PPP1R1C: variants seen among roughly 807,000 people sequenced by gnomAD.
PPP1R1C encodes protein phosphatase 1 regulatory subunit 1C.
In PPP1R1C, 15 loss-of-function variants were observed where a neutral mutation model predicts 17.4. The ratio of observed to expected loss-of-function variants is 0.86; its 90% CI spans 0.58 to 1.33. The LOEUF (loss-of-function observed/expected upper bound fraction) is 1.33. PPP1R1C is among the 40% of genes most tolerant of loss of function. The probability of loss-of-function intolerance (pLI) is 0.00; values close to 1 mark genes in which losing one functional copy is unlikely to be tolerated. For synonymous variants in PPP1R1C, 35 were observed against 43.1 expected, an observed-to-expected ratio of 0.81 and a Z score of 0.73; for missense variants, 143 against 130.0, an observed-to-expected ratio of 1.10 and a Z score of -0.48.
At chr2:182,031,167 T>C (rs529399442) in intron 2 of PPP1R1C, among the ~76,000 whole-genome samples, 4 of 152,350 alleles carry the variant, frequency 2.6e-5, no homozygotes, top group South Asian at 2.1e-4. Flanking sequence ...AGAAATCACC[T>C]GTCTTCTGCA....
At chr2:182,057,327 G>A (rs551204522) in intron 2 of PPP1R1C, among the ~76,000 whole-genome samples, 5 of 152,254 alleles carry the variant, frequency 3.3e-5, no homozygotes, top group African/African-American at 1.2e-4. Flanking sequence ...GTGTTGGTTG[G>A]GGAAGAGATG....
At chr2:181,991,791 G>A (rs1459451928) in intron 2 of PPP1R1C, among the ~76,000 whole-genome samples, 1 of 152,116 alleles carries the variant, frequency 6.6e-6, no homozygotes, top group Non-Finnish European at 1.5e-5. Flanking sequence ...ACACAGGAGA[G>A]CATTATTATC....
chr2:181,955,378 C>G (rs569266238), intron 1 of PPP1R1C, among the ~76,000 whole-genome samples: 1 of 152,262 alleles, frequency 6.6e-6, no homozygotes, highest in East Asian at 1.9e-4. Context: ...GAGACCAGCA[C>G]AAATACAATT....
chr2:182,114,248 A>G (rs530101069), intron 4 of PPP1R1C, among the ~76,000 whole-genome samples: 1 of 152,270 alleles, frequency 6.6e-6, no homozygotes, highest in African/African-American at 2.4e-5. Context: ...GCCCTGTGCC[A>G]AGCCTCAAAC....
intron 2 of PPP1R1C, among the ~76,000 whole-genome samples, chr2:182,009,633 A>G (rs75876867): frequency 0.02 from 3,086 of 152,046 alleles, 50 homozygotes; most frequent in South Asian, 0.056. Context: ...CTAACTGGAT[A>G]TGATTCTATT....
rs77275698 is a variant in PPP1R1C at position 182,049,484 on chromosome 2, G to A, written c.143-11958G>A. Among the ~76,000 whole-genome samples, 1,434 of 151,994 alleles carry A rather than the reference G, an allele frequency of 9.4e-3. 9 individuals carry two copies. The highest frequency in any genetic ancestry group is 0.015 in the Non-Finnish European group (1,000 of 67,954). ...CAAAAGCTAATGAAAATATACTAAG[G>A]TTTTGAATAGTGTCCCAGTTTGCAG... On this transcript the variant is annotated intron_variant, in intron 2 of 4. Coordinates refer to ENST00000682840, the MANE Select transcript of PPP1R1C (RefSeq NM_001080545.3).
intron 2 of PPP1R1C, among the ~76,000 whole-genome samples, chr2:182,041,675 T>C (rs1687187577): frequency 6.7e-6 from 1 of 149,272 alleles, no homozygotes. Context: ...CTGTATGAGC[T>C]AAGAAAATGC....
At chr2:182,033,065 A>C (rs1686893953) in intron 2 of PPP1R1C, among the ~76,000 whole-genome samples, 1 of 152,192 alleles carries the variant, frequency 6.6e-6, no homozygotes, top group African/African-American at 2.4e-5. Flanking sequence ...TAATTATCCA[A>C]TAATTGCCAA....
intron 4 of PPP1R1C, among the ~76,000 whole-genome samples, chr2:182,112,376 T>C (rs907112121): frequency 6.6e-6 from 1 of 152,182 alleles, no homozygotes; most frequent in African/African-American, 2.4e-5. Flanking sequence ...CCAAATTCTA[T>C]TGAAAATCAT....
intron 4 of PPP1R1C, among the ~76,000 whole-genome samples, chr2:182,111,275 C>G (rs2125234424): frequency 6.6e-6 from 1 of 152,200 alleles, no homozygotes; most frequent in Non-Finnish European, 1.5e-5. Context: ...CATGTTGTCC[C>G]TATTTCCATG....
At chr2:182,052,807 A>C (rs897950710) in intron 2 of PPP1R1C, among the ~76,000 whole-genome samples, 12 of 152,232 alleles carry the variant, frequency 7.9e-5, no homozygotes, top group Non-Finnish European at 1.5e-5. Flanking sequence ...ACATGTTTGA[A>C]TATTTTTAGT....
intron 4 of PPP1R1C, among the ~76,000 whole-genome samples, chr2:182,108,227 G>GA (rs1383076931): frequency 7.2e-5 from 11 of 151,932 alleles, no homozygotes. Flanking sequence ...AATAAAATAG[G>GA]AAAAAATTCT....
chr2:182,091,709 A>AC (rs1037177947), intron 4 of PPP1R1C, among the ~76,000 whole-genome samples: 3 of 151,936 alleles, frequency 2.0e-5, no homozygotes, highest in African/African-American at 7.3e-5. Flanking sequence ...ACTTCCAATG[A>AC]CCCCATGCCC....
rs113680398 is a variant in PPP1R1C at position 181,978,966 on chromosome 2, G to T, written n.157+3702G>T. On this transcript the variant is annotated intron_variant and non_coding_transcript_variant, in intron 2 of 5. Coordinates refer to the PPP1R1C transcript ENST00000464264. Reference sequence around the variant, plus strand: ...AAGCCTCCAGAGCATTCTAATCCCTGGCTATTCAAGTCATCTCCAGCTGTT... The same window carrying T: ...AAGCCTCCAGAGCATTCTAATCCCTTGCTATTCAAGTCATCTCCAGCTGTT... Among the ~76,000 whole-genome samples, 1,027 of 152,086 alleles carry T rather than the reference G, an allele frequency of 6.8e-3. 9 individuals are homozygous for T. The highest frequency in any genetic ancestry group is 0.022 in the African/African-American group (897 of 41,468).
intron 4 of PPP1R1C, among the ~76,000 whole-genome samples, chr2:182,107,712 A>G (rs966987209): frequency 3.9e-5 from 6 of 152,032 alleles, no homozygotes; most frequent in Non-Finnish European, 5.9e-5. Context: ...TGAGATGTCT[A>G]TTACAGTGTA....
intron 2 of PPP1R1C, among the ~76,000 whole-genome samples, chr2:182,039,645 A>G (rs752985904): frequency 6.6e-6 from 1 of 152,150 alleles, no homozygotes; most frequent in African/African-American, 2.4e-5. Context: ...TTGGCCTCCC[A>G]AAGTACTGAG....
intron 2 of PPP1R1C, among the ~76,000 whole-genome samples, chr2:182,053,850 A>C (rs1687601211): frequency 6.6e-6 from 1 of 151,560 alleles, no homozygotes; most frequent in Non-Finnish European, 1.5e-5. Flanking sequence ...GTGTGATCTC[A>C]GCTCACCACA....
At chr2:182,032,350 T>G (rs993178737) in intron 2 of PPP1R1C, among the ~76,000 whole-genome samples, 4 of 152,218 alleles carry the variant, frequency 2.6e-5, no homozygotes, top group Non-Finnish European at 4.4e-5. Context: ...GTCTACCATA[T>G]TTAGTTTGCA....
chr2:182,079,005 G>C (rs1688395262), intron 4 of PPP1R1C, among the ~76,000 whole-genome samples: 1 of 152,132 alleles, frequency 6.6e-6, no homozygotes, highest in Admixed American at 6.5e-5. Flanking sequence ...AATGTGATGT[G>C]ACTTTTCCAT....
Sources: gnomAD v4.1 joint callset for allele counts (sites outside exome capture counted in the v4.1 genomes callset) on GRCh38, gnomAD v4.1.1 for gene constraint, MANE v1.5 for transcripts, NCBI Gene and HGNC (gene_info 2026-07-23, HGNC 2026-07-21) for gene names.